The following MAP4K3 variants were observed in gnomAD, a reference collection of about 807,000 sequenced individuals.
The protein encoded by MAP4K3 is MAPK/ERK kinase kinase kinase 3.
MAP4K3 carries 94 observed loss-of-function variants against 143.5 expected under a neutral mutation model. The observed-to-expected ratio is 0.65, with a 90% CI of 0.55 to 0.78. The LOEUF (loss-of-function observed/expected upper bound fraction) is 0.78, where lower values mean the gene tolerates loss of function less well. MAP4K3 is among the 30% of genes least tolerant of loss of function. The probability of loss-of-function intolerance (pLI) is 0.00; values close to 1 mark genes in which losing one functional copy is unlikely to be tolerated. For missense variants in MAP4K3, 1,077 were observed against 1,068.1 expected (o/e 1.01, Z -0.12); for synonymous variants, 416 against 347.2 (o/e 1.20, Z -2.20).
intron 3 of MAP4K3, among the ~76,000 whole-genome samples, chr2:39,353,772 T>C (rs765459909): frequency 2.0e-5 from 3 of 152,110 alleles, no homozygotes; most frequent in East Asian, 1.9e-4. Context: ...GCAGCAATAG[T>C]AGTAGTAGCA....
In MAP4K3 at chr2:39,272,027, A is replaced by G. The variant is rs1681047084; in HGVS notation, c.1973+256T>C. On this transcript the variant is annotated intron_variant, in intron 26 of 33. Coordinates refer to ENST00000263881, the MANE Select transcript of MAP4K3 (RefSeq NM_003618.4). ...ATGTAAAATTATGGCAAAGTACAAGAAAAAAACTAGTTTTAAACTTGCAGA... is the reference window on the plus strand; with the variant it reads ...ATGTAAAATTATGGCAAAGTACAAGGAAAAAACTAGTTTTAAACTTGCAGA... 5 of 305,756 alleles carry G rather than the reference A, an allele frequency of 1.6e-5. No individual in the cohort carries two copies. The South Asian group carries it at 3.4e-4, about 21-fold the overall frequency. 18.9% of individuals were successfully genotyped at this position (305,756 alleles called of 1,614,324 possible). A position where few individuals can be genotyped will look rare whatever the true frequency, so the allele number is the denominator to read the frequency against.
At chr2:39,290,510 G>C (rs1438672188) in intron 18 of MAP4K3, among the ~76,000 whole-genome samples, 176 bp from the exon 19 acceptor site, 1 of 152,074 alleles carries the variant, frequency 6.6e-6, no homozygotes, top group Non-Finnish European at 1.5e-5. Flanking sequence ...TTATTCAGAA[G>C]TAACTGGGAA....
intron 2 of MAP4K3, among the ~76,000 whole-genome samples, chr2:39,362,600 A>G (rs1665800913): frequency 6.6e-6 from 1 of 152,234 alleles, no homozygotes; most frequent in Non-Finnish European, 1.5e-5. Context: ...CTGAAAGAGC[A>G]TTGTTAAAAT....
At chr2:39,354,393 A>T (rs1665546867) in intron 3 of MAP4K3, among the ~76,000 whole-genome samples, 1 of 152,156 alleles carries the variant, frequency 6.6e-6, no homozygotes, top group Admixed American at 6.5e-5. Flanking sequence ...CAGTGAGCTG[A>T]GATCGCGCCA....
intron 22 of MAP4K3, 87 bp from the exon 23 acceptor site, chr2:39,280,443 G>T: frequency 1.5e-6 from 1 of 671,896 alleles, no homozygotes; most frequent in Non-Finnish European, 2.5e-6. Flanking sequence ...ATTTTAATGT[G>T]AGAGTCTATA....
intron 14 of MAP4K3, among the ~76,000 whole-genome samples, chr2:39,308,346 C>T (rs1205225285): frequency 3.9e-5 from 6 of 152,128 alleles, no homozygotes; most frequent in African/African-American, 1.4e-4. Context: ...TCATAAATGT[C>T]AGGCTTTGGT....
intron 1 of MAP4K3, among the ~76,000 whole-genome samples, chr2:39,405,668 G>A (rs766447433): frequency 6.8e-4 from 104 of 152,136 alleles, no homozygotes; most frequent in Non-Finnish European, 1.3e-3. Context: ...AGGAATTCAA[G>A]ACCAGCTTGG....
At chr2:39,378,891 A>G (rs1666290163) in intron 1 of MAP4K3, among the ~76,000 whole-genome samples, 1 of 151,468 alleles carries the variant, frequency 6.6e-6, no homozygotes, top group South Asian at 2.1e-4. Context: ...ATAACAATAT[A>G]TATTATATAT....
chr2:39,261,111 C>G (rs1680550906), intron 28 of MAP4K3: 1 of 202,428 alleles, frequency 4.9e-6, no homozygotes, highest in African/African-American at 2.4e-5. Context: ...GGCAGAGTCT[C>G]CTGTCTCCCA....
chr2:39,274,278 G>A (rs528421324), intron 24 of MAP4K3, among the ~76,000 whole-genome samples: 24 of 149,924 alleles, frequency 1.6e-4, no homozygotes, highest in Admixed American at 1.2e-3. Flanking sequence ...GTGCAGTGGC[G>A]CGATCTCCGC....
intron 1 of MAP4K3, among the ~76,000 whole-genome samples, chr2:39,405,064 C>G (rs1196456368): frequency 6.6e-6 from 1 of 152,222 alleles, no homozygotes; most frequent in Non-Finnish European, 1.5e-5. Context: ...TACCTAGGGT[C>G]TTGAGCAAAC....
Position 39,385,993 on chromosome 2 carries a change from T to C in MAP4K3, c.97-7870A>G, listed in dbSNP as rs115436362. Among the ~76,000 whole-genome samples the C allele has an allele frequency of 6.0e-3, 918 of 152,304 alleles. 10 individuals are homozygous for C. Among genetic ancestry groups the C allele is most frequent in the African/African-American group, 0.021 (880 of 41,550 alleles). On this transcript the variant is annotated intron_variant, in intron 1 of 33. Coordinates refer to ENST00000263881, the MANE Select transcript of MAP4K3 (RefSeq NM_003618.4). Reference sequence around the variant, plus strand: ...CTTGTTAACAGTGTTTTTTGCAGAATTTATGAATTGAATTGTGCTCCCTAC... The same window carrying C: ...CTTGTTAACAGTGTTTTTTGCAGAACTTATGAATTGAATTGTGCTCCCTAC...
rs542553162 is a variant in MAP4K3, at chr2:39,371,893, T to A, written c.154+6173A>T. Among the ~76,000 whole-genome samples, 195 of 150,504 alleles carry A rather than the reference T, an allele frequency of 1.3e-3. 3 individuals are homozygous for A. The highest frequency in any genetic ancestry group is 4.6e-3 in the African/African-American group (190 of 41,242). Reference sequence around the variant, plus strand: ...TCCTCTTGCTGAATTGATCCCTTTATACATATAATATATATTACATATATT... The same window carrying A: ...TCCTCTTGCTGAATTGATCCCTTTAAACATATAATATATATTACATATATT... On this transcript the variant is annotated intron_variant, in intron 2 of 33. Transcript: ENST00000263881.
intron 3 of MAP4K3, among the ~76,000 whole-genome samples, chr2:39,353,064 G>A (rs1330358849): frequency 6.6e-6 from 1 of 152,178 alleles, no homozygotes; most frequent in African/African-American, 2.4e-5. Flanking sequence ...TCTGGGCTAA[G>A]CAATACAGTA....
intron 1 of MAP4K3, among the ~76,000 whole-genome samples, chr2:39,407,628 G>C (rs1667132222): frequency 6.6e-6 from 1 of 152,124 alleles, no homozygotes; most frequent in African/African-American, 2.4e-5. Flanking sequence ...CTGAAGTGCT[G>C]TGGCATGACC....
At chr2:39,258,246 A>T (rs565359852) in intron 31 of MAP4K3, 102 bp downstream of exon 31, 26 of 891,064 alleles carry the variant, frequency 2.9e-5, no homozygotes, top group Middle Eastern at 3.6e-4. Context: ...CCTTTATTTT[A>T]AAAAAAGAAT....
intron 13 of MAP4K3, among the ~76,000 whole-genome samples, chr2:39,312,489 T>C (rs866642455): frequency 6.6e-6 from 1 of 152,242 alleles, no homozygotes; most frequent in Admixed American, 6.5e-5. Context: ...ATTTCAACTT[T>C]GTATGTAAAT....
intron 1 of MAP4K3, among the ~76,000 whole-genome samples, chr2:39,385,486 T>C (rs142708630): frequency 6.6e-6 from 1 of 150,418 alleles, no homozygotes; most frequent in East Asian, 2.0e-4. Context: ...ATGAACTGTT[T>C]TCCAGTCTTT....
intron 2 of MAP4K3, among the ~76,000 whole-genome samples, chr2:39,372,301 T>A (rs1454752688): frequency 6.6e-6 from 1 of 150,528 alleles, no homozygotes; most frequent in African/African-American, 2.4e-5. Context: ...CAAAAAAAAA[T>A]GGAAAGATAT....
Sources: allele counts gnomAD v4.1 joint callset (sites outside exome capture counted in the v4.1 genomes callset), GRCh38; gene constraint gnomAD v4.1.1; transcripts MANE v1.5; gene names NCBI Gene and HGNC (gene_info 2026-07-23, HGNC 2026-07-21).